FHL5: variants seen among roughly 807,000 people sequenced by gnomAD.
FHL5 encodes the protein four and a half LIM domains protein 5.
A neutral mutation model predicts 32.0 loss-of-function variants in FHL5; 33 were observed. The observed-to-expected ratio is 1.03, with a 90% CI of 0.78 to 1.38. FHL5 has a LOEUF of 1.38. Ranked by LOEUF, FHL5 falls within the 40% of genes most tolerant of loss-of-function variation. The pLI is 0.00. For missense variants in FHL5, 336 were observed against 343.9 expected (o/e 0.98, Z 0.18); for synonymous variants, 114 against 113.6 (o/e 1.00, Z -0.02).
chr6:96,608,282 C>G (rs1771326511), intron 4 of FHL5, among the ~76,000 whole-genome samples: 1 of 152,068 alleles, frequency 6.6e-6, no homozygotes, highest in Non-Finnish European at 1.5e-5. Flanking sequence ...GTTATTGGAG[C>G]CTGTAACTAT....
At chr6:96,585,387 A>G (rs1016200689) in intron 1 of FHL5, among the ~76,000 whole-genome samples, 17 of 152,196 alleles carry the variant, frequency 1.1e-4, no homozygotes, top group African/African-American at 4.1e-4. Context: ...GAGCATAGAT[A>G]TATTTATACA....
intron 1 of FHL5, among the ~76,000 whole-genome samples, chr6:96,592,384 C>T (rs762129240): frequency 3.3e-5 from 5 of 152,154 alleles, no homozygotes; most frequent in Non-Finnish European, 7.3e-5. Flanking sequence ...AGCTCACTGG[C>T]GGTCAGAGTT....
intron 3 of FHL5, 60 bp downstream of exon 3, chr6:96,604,984 C>T: frequency 7.2e-7 from 1 of 1,386,160 alleles, no homozygotes; most frequent in East Asian, 2.4e-5. Context: ...CATTAAGTCC[C>T]AGCACATGAG....
At chr6:96,601,053 A>G (rs1291692954) in intron 1 of FHL5, among the ~76,000 whole-genome samples, 3 of 152,130 alleles carry the variant, frequency 2.0e-5, no homozygotes, top group Non-Finnish European at 2.9e-5. Context: ...TTCTTTCCAG[A>G]GGCCAGGCGC....
intron 4 of FHL5, 93 bp from the exon 5 acceptor site, chr6:96,610,479 C>A (rs911474193): frequency 2.2e-5 from 19 of 879,280 alleles, no homozygotes; most frequent in Non-Finnish European, 3.0e-5. Flanking sequence ...GCTTCCTTTT[C>A]TCCCCAGAGA....
At chr6:96,574,355 C>T (rs1432336184) in intron 1 of FHL5, among the ~76,000 whole-genome samples, 1 of 152,134 alleles carries the variant, frequency 6.6e-6, no homozygotes, top group Admixed American at 6.5e-5. Flanking sequence ...CCAGATAATA[C>T]TTTAGTCTTC....
Position 96,614,687 on chromosome 6 carries a change from G to C in FHL5, c.692-922G>C, listed in dbSNP as rs368925748. ...TGGGAGAAAACATGAAATAAATAAA[G>C]ACCCAAGCCTAGGGCATCTCAACCT... On this transcript the variant is annotated intron_variant, in intron 5 of 5. Transcript: ENST00000450218. Among the ~76,000 whole-genome samples, 456 of 152,142 alleles carry C rather than the reference G, an allele frequency of 3.0e-3. 1 individual carries two copies. The highest frequency in any genetic ancestry group is 0.01 in the African/African-American group (434 of 41,506).
At chr6:96,577,450 C>T (rs902926743) in intron 1 of FHL5, among the ~76,000 whole-genome samples, 3 of 151,994 alleles carry the variant, frequency 2.0e-5, no homozygotes, top group African/African-American at 4.8e-5. Context: ...CACACATTCT[C>T]ACAAATACAC....
intron 2 of FHL5, among the ~76,000 whole-genome samples, chr6:96,604,052 G>A (rs1771215225): frequency 6.6e-6 from 1 of 152,170 alleles, no homozygotes; most frequent in Non-Finnish European, 1.5e-5. Context: ...GAATTTTCCT[G>A]CTGTTTCCAA....
chr6:96,603,381 T>A (rs1234299504), intron 1 of FHL5, among the ~76,000 whole-genome samples: 1 of 152,162 alleles, frequency 6.6e-6, no homozygotes, highest in East Asian at 1.9e-4. Context: ...CATTTTTTTT[T>A]AGCAAAACAT....
chr6:96,609,444 C>T (rs1398262894), intron 4 of FHL5, among the ~76,000 whole-genome samples: 1 of 152,126 alleles, frequency 6.6e-6, no homozygotes, highest in Non-Finnish European at 1.5e-5. Context: ...AGAAAAAATG[C>T]CCAAGATTTA....
rs945624667 is a variant in FHL5 at position 96,617,937 on chromosome 6, A to G, written c.*2165A>G. ...CATTTAGAAGGTATCCTACACATCA[A>G]ACATCCATTAAACATGTACTATGCC... On this transcript the variant is annotated 3_prime_UTR_variant, in exon 6 of 6. Transcript: ENST00000450218. Among the ~76,000 whole-genome samples the G allele has an allele frequency of 6.6e-6, 1 of 152,182 alleles. No individual in the cohort carries two copies. The highest frequency in any genetic ancestry group is 6.5e-5 in the Admixed American group (1 of 15,278).
intron 1 of FHL5, among the ~76,000 whole-genome samples, chr6:96,577,614 T>C (rs1262032131): frequency 6.6e-6 from 1 of 152,224 alleles, no homozygotes; most frequent in Non-Finnish European, 1.5e-5. Flanking sequence ...AGGGGATTTG[T>C]ACTTCCTTTT....
At position 96,606,008 on chromosome 6, in the gene FHL5, T is replaced by C. The variant is rs1771268734; in HGVS notation, c.441T>C (p.Ser147=). 5.0e-6 allele frequency: 8 copies of C among 1,613,894 alleles called. No individual in the cohort carries two copies. In the East Asian group the frequency reaches 1.6e-4, roughly 31 times the overall value. The change falls in exon 4 of 6, where the codon AGT becomes AGC. Residue 147 remains serine (S), a synonymous_variant. Transcript: ENST00000450218. ...CAAAGCCTTTGATCTCCAAAGAGAGTGGCAATTATTGTGTGCCATGTTTTG... is the reference window on the plus strand; with the variant it reads ...CAAAGCCTTTGATCTCCAAAGAGAGCGGCAATTATTGTGTGCCATGTTTTG... ...IGTKPLISKE[S]GNYCVPCFEK...
At chr6:96,603,996 C>T (rs1771213969) in intron 2 of FHL5, among the ~76,000 whole-genome samples, 1 of 152,122 alleles carries the variant, frequency 6.6e-6, no homozygotes, top group African/African-American at 2.4e-5. Flanking sequence ...GCTGAGAATG[C>T]TAAAGATTAA....
intron 1 of FHL5, among the ~76,000 whole-genome samples, chr6:96,603,340 T>A (rs566147300): frequency 7.2e-5 from 11 of 152,260 alleles, no homozygotes; most frequent in African/African-American, 2.6e-4. Context: ...AAACACAAGA[T>A]GTTTTTCATA....
chr6:96,603,461 T>A (rs938104922), intron 1 of FHL5, 141 bp from the exon 2 acceptor site: 2 of 607,104 alleles, frequency 3.3e-6, no homozygotes, highest in Non-Finnish European at 5.6e-6. Context: ...ACTATAAGCA[T>A]ACTTTCCTAA....
At chr6:96,580,236 G>A (rs927368604) in intron 1 of FHL5, among the ~76,000 whole-genome samples, 2 of 152,260 alleles carry the variant, frequency 1.3e-5, no homozygotes, top group African/African-American at 4.8e-5. Context: ...TTTCAATTAA[G>A]TAGAAATCCT....
At chr6:96,605,551 A>G (rs535931473) in intron 3 of FHL5, among the ~76,000 whole-genome samples, 1 of 152,280 alleles carries the variant, frequency 6.6e-6, no homozygotes, top group East Asian at 1.9e-4. Context: ...TGCTCTGGGC[A>G]TTTTTAATAC....
Sources: allele counts gnomAD v4.1 joint callset (sites outside exome capture counted in the v4.1 genomes callset), GRCh38; gene constraint gnomAD v4.1.1; transcripts MANE v1.5; gene names NCBI Gene and HGNC (gene_info 2026-07-23, HGNC 2026-07-21).